Variants in ST6GALNAC3 observed in about 807,000 individuals in gnomAD.
ST6GALNAC3 encodes the protein ST6 N-acetylgalactosaminide alpha-2,6-sialyltransferase 3.
A neutral mutation model predicts 32.7 loss-of-function variants in ST6GALNAC3; 25 were observed. That is an observed-to-expected ratio of 0.76 (90% CI 0.56 to 1.07). The LOEUF is 1.07. ST6GALNAC3 is among the 50% of genes least tolerant of loss of function. The pLI is 0.00. For missense variants in ST6GALNAC3, 355 were observed against 382.4 expected (o/e 0.93, Z 0.60); for synonymous variants, 129 against 133.1 (o/e 0.97, Z 0.21).
At chr1:76,387,704 T>A (rs1652206017) in intron 2 of ST6GALNAC3, among the ~76,000 whole-genome samples, 2 of 152,272 alleles carry the variant, frequency 1.3e-5, no homozygotes, top group Admixed American at 1.3e-4. Context: ...CTAAGTAATT[T>A]AGGAAATTTT....
intron 2 of ST6GALNAC3, among the ~76,000 whole-genome samples, chr1:76,360,084 T>C (rs1236254327): frequency 6.6e-6 from 1 of 152,136 alleles, no homozygotes; most frequent in African/African-American, 2.4e-5. Flanking sequence ...CAAAGGAGAA[T>C]TAATGTATTA....
intron 3 of ST6GALNAC3, among the ~76,000 whole-genome samples, chr1:76,620,175 C>G (rs184972084): frequency 2.0e-4 from 30 of 152,096 alleles, no homozygotes; most frequent in Non-Finnish European, 3.7e-4. Flanking sequence ...AACGGAATTG[C>G]AGCTTGATAT....
At chr1:76,082,381 C>CGTTT (rs1218920551) in intron 1 of ST6GALNAC3, among the ~76,000 whole-genome samples, 3 of 152,116 alleles carry the variant, frequency 2.0e-5, no homozygotes, top group African/African-American at 7.2e-5. Context: ...CTGATGTACA[C>CGTTT]GTTTTATGCC....
At chr1:76,415,171 CTTTTTTTTTTT>C (rs71072000) in intron 3 of ST6GALNAC3, among the ~76,000 whole-genome samples, 3 of 70,464 alleles carry the variant, frequency 4.3e-5, no homozygotes, top group African/African-American at 1.2e-4. Flanking sequence ...GGATTCATGT[CTTTTTTTTTTT>C]TTTTTTTTTT....
chr1:76,404,439 C>T (rs1653668744), intron 2 of ST6GALNAC3, among the ~76,000 whole-genome samples: 1 of 151,650 alleles, frequency 6.6e-6, no homozygotes, highest in African/African-American at 2.4e-5. Context: ...CTTAATCATT[C>T]CTGAAACACG....
At chr1:76,087,818 A>C (rs899025172) in intron 1 of ST6GALNAC3, among the ~76,000 whole-genome samples, 5 of 152,270 alleles carry the variant, frequency 3.3e-5, no homozygotes, top group African/African-American at 1.2e-4. Context: ...GCCCATGATA[A>C]TAATAACTTT....
chr1:76,464,908 T>C (rs2101608111), intron 3 of ST6GALNAC3, among the ~76,000 whole-genome samples: 1 of 152,248 alleles, frequency 6.6e-6, no homozygotes, highest in South Asian at 2.1e-4. Flanking sequence ...CTATTTCATC[T>C]CCCCAAATCT....
At chr1:76,500,949 T>A (rs1340715757) in intron 3 of ST6GALNAC3, among the ~76,000 whole-genome samples, 1 of 152,194 alleles carries the variant, frequency 6.6e-6, no homozygotes, top group Non-Finnish European at 1.5e-5. Flanking sequence ...AAATGTTATC[T>A]ATAATTATAT....
At chr1:76,226,544 A>G (rs1419196751) in intron 1 of ST6GALNAC3, among the ~76,000 whole-genome samples, 1 of 152,202 alleles carries the variant, frequency 6.6e-6, no homozygotes, top group Non-Finnish European at 1.5e-5. Flanking sequence ...ATTTATAAAG[A>G]AAAGAGGTTT....
intron 3 of ST6GALNAC3, among the ~76,000 whole-genome samples, chr1:76,424,267 T>G (rs1655223051): frequency 6.6e-6 from 1 of 151,950 alleles, no homozygotes; most frequent in East Asian, 1.9e-4. Flanking sequence ...CAGCTCGCCA[T>G]CCCATCTTAA....
At chr1:76,534,365 A>T (rs749197932) in intron 3 of ST6GALNAC3, among the ~76,000 whole-genome samples, 2 of 152,036 alleles carry the variant, frequency 1.3e-5, no homozygotes, top group Non-Finnish European at 2.9e-5. Context: ...TTTAAAGTCC[A>T]TCCATGTCTC....
At chr1:76,344,325 A>G (rs1294451852) in intron 2 of ST6GALNAC3, among the ~76,000 whole-genome samples, 2 of 152,326 alleles carry the variant, frequency 1.3e-5, no homozygotes, top group Middle Eastern at 3.4e-3. Context: ...ACCTAGTCAC[A>G]TGATCTAAAG....
At chr1:76,300,710 C>G (rs895880664) in intron 1 of ST6GALNAC3, among the ~76,000 whole-genome samples, 8 of 152,042 alleles carry the variant, frequency 5.3e-5, no homozygotes, top group Non-Finnish European at 8.8e-5. Flanking sequence ...TTAGCAATGT[C>G]TGCCTGGGGA....
chr1:76,147,767 T>C (rs897180792), intron 1 of ST6GALNAC3, among the ~76,000 whole-genome samples: 13 of 152,180 alleles, frequency 8.5e-5, no homozygotes, highest in Non-Finnish European at 1.8e-4. Context: ...CTCAGTTTCA[T>C]CTCTGGCCTG....
intron 2 of ST6GALNAC3, among the ~76,000 whole-genome samples, chr1:76,327,026 A>G (rs932188562): frequency 2.6e-5 from 4 of 152,124 alleles, no homozygotes; most frequent in African/African-American, 4.8e-5. Context: ...TTTCTTTACC[A>G]TATTAAGGAA....
At chr1:76,078,070 C>T (rs1646841336) in intron 1 of ST6GALNAC3, among the ~76,000 whole-genome samples, 1 of 152,104 alleles carries the variant, frequency 6.6e-6, no homozygotes, top group Non-Finnish European at 1.5e-5. Context: ...AGACAGGCTT[C>T]CCACTGATGA....
chr1:76,423,145 G>C (rs1456255675), intron 3 of ST6GALNAC3, among the ~76,000 whole-genome samples: 1 of 151,922 alleles, frequency 6.6e-6, no homozygotes, highest in East Asian at 1.9e-4. Flanking sequence ...TCCTTCTGCC[G>C]TGTAGTTCAG....
At chr1:76,151,173 G>A (rs1570207628) in intron 1 of ST6GALNAC3, among the ~76,000 whole-genome samples, 1 of 152,200 alleles carries the variant, frequency 6.6e-6, no homozygotes, top group African/African-American at 2.4e-5. Context: ...CCCTTCCTCC[G>A]CCTTCATTGG....
chr1:76,379,905 A>T (rs1353219871), intron 2 of ST6GALNAC3, among the ~76,000 whole-genome samples: 1 of 152,132 alleles, frequency 6.6e-6, no homozygotes, highest in Non-Finnish European at 1.5e-5. Flanking sequence ...AAACAGGAGG[A>T]CCATAGAGCA....
Sources: allele counts gnomAD v4.1 joint callset (sites outside exome capture counted in the v4.1 genomes callset), GRCh38; gene constraint gnomAD v4.1.1; transcripts MANE v1.5; gene names NCBI Gene and HGNC (gene_info 2026-07-23, HGNC 2026-07-21).